The following EPB41L4A variants were observed in gnomAD, a reference collection of about 807,000 sequenced individuals.
EPB41L4A encodes band 4.1-like protein 4A.
In EPB41L4A, 100 loss-of-function variants were observed where a neutral mutation model predicts 108.6. The ratio of observed to expected loss-of-function variants is 0.92; its 90% CI spans 0.78 to 1.09. The LOEUF (loss-of-function observed/expected upper bound fraction) is 1.09. Ranked by LOEUF, EPB41L4A falls within the 50% of genes least tolerant of loss-of-function variation. The pLI, the probability that EPB41L4A is intolerant of heterozygous loss-of-function variation, is 0.00. For synonymous variants in EPB41L4A, 319 were observed against 289.0 expected (o/e 1.10, Z -1.05); for missense variants, 1,030 against 842.7 (o/e 1.22, Z -2.75).
At chr5:112,176,466 C>A (rs868444026) in intron 18 of EPB41L4A, among the ~76,000 whole-genome samples, 11 of 151,974 alleles carry the variant, frequency 7.2e-5, no homozygotes, top group Non-Finnish European at 8.8e-5. Context: ...TCTCTCCCCC[C>A]CAAAACATTC....
At chr5:112,305,148 C>T (rs1057145431) in intron 2 of EPB41L4A, among the ~76,000 whole-genome samples, 2 of 152,160 alleles carry the variant, frequency 1.3e-5, no homozygotes, top group African/African-American at 4.8e-5. Flanking sequence ...GGTCCTAATA[C>T]GTGCTGATTA....
At chr5:112,303,047 A>G (rs184106470) in intron 2 of EPB41L4A, among the ~76,000 whole-genome samples, 18 of 152,294 alleles carry the variant, frequency 1.2e-4, no homozygotes, top group Non-Finnish European at 1.5e-4. Context: ...TGTTCCTCCA[A>G]CAGTTGCTTG....
intron 2 of EPB41L4A, among the ~76,000 whole-genome samples, chr5:112,288,858 C>T (rs1175057871): frequency 6.6e-6 from 1 of 150,722 alleles, no homozygotes; most frequent in Non-Finnish European, 1.5e-5. Context: ...GATGGAGTCT[C>T]GCTCTGTCAC....
At chr5:112,237,529 C>G (rs1271269266) in intron 11 of EPB41L4A, among the ~76,000 whole-genome samples, 1 of 151,960 alleles carries the variant, frequency 6.6e-6, no homozygotes, top group Non-Finnish European at 1.5e-5. Flanking sequence ...ACAAACACAC[C>G]CAGATACCTG....
At chr5:112,182,804 G>C (rs752063314) in intron 18 of EPB41L4A, among the ~76,000 whole-genome samples, 4 of 96,016 alleles carry the variant, frequency 4.2e-5, no homozygotes, top group Non-Finnish European at 8.1e-5. Context: ...TTTTTTAATG[G>C]AGTTGGGGGA....
chr5:112,383,069 G>C (rs1288849046), intron 1 of EPB41L4A, among the ~76,000 whole-genome samples: 1 of 152,314 alleles, frequency 6.6e-6, no homozygotes, highest in African/African-American at 2.4e-5. Flanking sequence ...GCTCTCCCCA[G>C]AGGATCCTCA....
intron 1 of EPB41L4A, among the ~76,000 whole-genome samples, chr5:112,313,296 A>G (rs1009299898): frequency 1.3e-5 from 2 of 152,216 alleles, no homozygotes; most frequent in Non-Finnish European, 2.9e-5. Context: ...GTTATCATCA[A>G]AAGTCCTTTT....
At chr5:112,168,889 A>G in intron 21 of EPB41L4A, 69 bp from the exon 22 acceptor site, 1 of 1,506,364 alleles carries the variant, frequency 6.6e-7, no homozygotes, top group Non-Finnish European at 9.2e-7. Context: ...GTTGGAAGAG[A>G]ACTACAGTGT....
At chr5:112,370,300 G>T (rs752561821) in intron 1 of EPB41L4A, among the ~76,000 whole-genome samples, 1 of 151,166 alleles carries the variant, frequency 6.6e-6, no homozygotes, top group Non-Finnish European at 1.5e-5. Flanking sequence ...GCCTCCCGAA[G>T]TGTTGGGATT....
rs754616347 is a variant in EPB41L4A at position 112,387,772 on chromosome 5, G to C, written c.99+31169C>G. ...TTTCAAATATACATTATCTGTAAAAGAGATTGTATATAAAACAGGTTTGTT... is the reference window on the plus strand; with the variant it reads ...TTTCAAATATACATTATCTGTAAAACAGATTGTATATAAAACAGGTTTGTT... On this transcript the variant is annotated intron_variant, in intron 1 of 22. Transcript: ENST00000261486. 9.2e-5 allele frequency among the ~76,000 whole-genome samples: 14 copies of C among 152,282 alleles called. No homozygotes were observed. The East Asian group carries it at 1.7e-3, about 19-fold the overall frequency.
intron 22 of EPB41L4A, among the ~76,000 whole-genome samples, chr5:112,167,009 T>C (rs6872947): frequency 0.74 from 113,053 of 151,996 alleles, 43,146 homozygotes; most frequent in East Asian, 1. Context: ...ATGTGAGTTC[T>C]TGTATCCCGC....
chr5:112,391,044 T>G (rs958615052), intron 1 of EPB41L4A, among the ~76,000 whole-genome samples: 3 of 151,920 alleles, frequency 2.0e-5, no homozygotes, highest in African/African-American at 4.8e-5. Context: ...AAAAAGGACA[T>G]CCACACCAAA....
intron 1 of EPB41L4A, among the ~76,000 whole-genome samples, chr5:112,333,777 T>A (rs1756741888): frequency 6.6e-6 from 1 of 152,228 alleles, no homozygotes; most frequent in Non-Finnish European, 1.5e-5. Flanking sequence ...TGCCAGGGCC[T>A]CTGATTAGCC....
In EPB41L4A at chr5:112,377,120, A is replaced by G. The variant is rs550703127; in HGVS notation, c.99+41821T>C. Among the ~76,000 whole-genome samples the G allele has an allele frequency of 5.9e-5, 9 of 151,534 alleles. No homozygotes were observed. In the East Asian group the frequency reaches 1.4e-3, roughly 23 times the overall value. ...CTCAGGAGGCTGAGATGAGAAGATCACTCAAGCCGTGGGGGTCAAGGCTGC... is the reference window on the plus strand; with the variant it reads ...CTCAGGAGGCTGAGATGAGAAGATCGCTCAAGCCGTGGGGGTCAAGGCTGC... On this transcript the variant is annotated intron_variant, in intron 1 of 22. Transcript: ENST00000261486.
chr5:112,396,333 T>C (rs1189417799), intron 1 of EPB41L4A, among the ~76,000 whole-genome samples: 1 of 152,226 alleles, frequency 6.6e-6, no homozygotes, highest in South Asian at 2.1e-4. Flanking sequence ...TGCAGTTTCT[T>C]CCAGATACAT....
intron 8 of EPB41L4A, among the ~76,000 whole-genome samples, chr5:112,259,571 A>T (rs532180946): frequency 6.6e-6 from 1 of 152,162 alleles, no homozygotes; most frequent in African/African-American, 2.4e-5. Flanking sequence ...GGGCTTCCCA[A>T]TCTCTCCAAC....
chr5:112,376,854 C>G (rs1199462063), intron 1 of EPB41L4A, among the ~76,000 whole-genome samples: 1 of 152,100 alleles, frequency 6.6e-6, no homozygotes, highest in African/African-American at 2.4e-5. Context: ...AGAATAGATT[C>G]TTGGTTGCCA....
At chr5:112,224,710 G>A (rs942645897) in intron 12 of EPB41L4A, among the ~76,000 whole-genome samples, 1 of 152,078 alleles carries the variant, frequency 6.6e-6, no homozygotes, top group South Asian at 2.1e-4. Context: ...TAAATAATCA[G>A]TCAAGAGGTA....
intron 1 of EPB41L4A, among the ~76,000 whole-genome samples, chr5:112,364,506 C>T (rs889495715): frequency 1.3e-5 from 2 of 152,164 alleles, no homozygotes; most frequent in Non-Finnish European, 2.9e-5. Context: ...ATGACATGAG[C>T]ACATTTTCAC....
Sources: gnomAD v4.1 joint callset for allele counts (sites outside exome capture counted in the v4.1 genomes callset) on GRCh38, gnomAD v4.1.1 for gene constraint, MANE v1.5 for transcripts, NCBI Gene and HGNC (gene_info 2026-07-23, HGNC 2026-07-21) for gene names.